USP44: variants seen among roughly 807,000 people sequenced by gnomAD.
USP44 encodes ubiquitin specific peptidase 44, also known as ubiquitin carboxyl-terminal hydrolase 44.
USP44 carries 61 observed loss-of-function variants against 69.0 expected under a neutral mutation model. That is an observed-to-expected ratio of 0.88 (90% CI 0.72 to 1.09). The LOEUF is 1.09. Ranked by LOEUF, USP44 falls within the 50% of genes least tolerant of loss-of-function variation. USP44 has a pLI of 0.00. For missense variants in USP44, 753 were observed against 849.9 expected (o/e 0.89, Z 1.42); for synonymous variants, 297 against 295.4 (o/e 1.01, Z -0.06).
Position 95,524,869 on chromosome 12 carries a change from A to C in USP44, c.1625-81T>G, listed in dbSNP as rs2076786623. On this transcript the variant is annotated intron_variant, in intron 3 of 5. Coordinates refer to ENST00000258499, the MANE Select transcript of USP44 (RefSeq NM_032147.5). ...GCTGAGTGAACCTTCTTTTTAATTA[A>C]GTCAGAAATGAAAAGTATGTACTGT... is the stretch of plus-strand genomic sequence containing the variant. 5 of 1,265,870 alleles carry C rather than the reference A, an allele frequency of 3.9e-6. No individual in the cohort carries two copies. In the Admixed American group the frequency reaches 1.1e-4, roughly 28 times the overall value. 78.4% of individuals were successfully genotyped at this position (1,265,870 alleles called of 1,614,324 possible). A position where few individuals can be genotyped will look rare whatever the true frequency, so the allele number is the denominator to read the frequency against.
In USP44 at chr12:95,524,879, G is replaced by T. The variant is rs1195357004; in HGVS notation, c.1625-91C>A. ...CCTTCTTTTTAATTAAGTCAGAAAT[G>T]AAAAGTATGTACTGTGTTCCAGGCA... On this transcript the variant is annotated intron_variant, in intron 3 of 5. Coordinates refer to ENST00000258499, the MANE Select transcript of USP44 (RefSeq NM_032147.5). The T allele has an allele frequency of 7.7e-6, 9 of 1,164,592 alleles. No individual in the cohort carries two copies. The Admixed American group carries it at 1.4e-4, about 18-fold the overall frequency. The allele number at this position is 1,164,592 out of a possible 1,614,324, so 72.1% of individuals were successfully genotyped here. A position where few individuals can be genotyped will look rare whatever the true frequency, so the allele number is the denominator to read the frequency against.
chr12:95,547,341 T>C (rs538319755), intron 1 of USP44, among the ~76,000 whole-genome samples: 1 of 152,264 alleles, frequency 6.6e-6, no homozygotes, highest in African/African-American at 2.4e-5. Flanking sequence ...GCAAAACTAA[T>C]GGCTACTATG....
chr12:95,533,897 TA>T lies in USP44; in HGVS notation c.359del (p.Leu120TyrfsTer38). 1.9e-6 allele frequency: 3 copies of T among 1,614,192 alleles called. No homozygotes were observed. The highest frequency in any genetic ancestry group is 2.5e-6 in the Non-Finnish European group (3 of 1,180,024). On this transcript the variant is annotated frameshift_variant, in exon 2 of 6. Coordinates refer to ENST00000258499, the MANE Select transcript of USP44 (RefSeq NM_032147.5). LOFTEE classifies it high-confidence loss of function. ...YHCTTRSGRF[L>X]RSMGTGDDSY... The stretch of plus-strand genomic sequence containing the variant: ...AATCATCACCTGTACCCATGGACCG[TA>T]AAAACCTCCCACTACGAGTTGTGCA...
At chr12:95,528,676 GTC>G (rs767987014) in intron 3 of USP44, 129 bp downstream of exon 3, 11 of 878,744 alleles carry the variant, frequency 1.3e-5, no homozygotes, top group Non-Finnish European at 1.8e-5. Flanking sequence ...AAGTGAAAAC[GTC>G]TGTTTCTTTT....
chr12:95,536,287 C>T (rs1047107657), intron 1 of USP44, among the ~76,000 whole-genome samples: 5 of 152,076 alleles, frequency 3.3e-5, no homozygotes, highest in Admixed American at 3.3e-4. Context: ...AAGTGATCTA[C>T]CCGCCTAACC....
chr12:95,539,345 C>T (rs1360372079), intron 1 of USP44, among the ~76,000 whole-genome samples: 3 of 152,070 alleles, frequency 2.0e-5, no homozygotes, highest in South Asian at 4.2e-4. Flanking sequence ...CCTGCCTCAG[C>T]CTCCTGAGTA....
At chr12:95,550,138 A>G (rs765268814) in intron 1 of USP44, among the ~76,000 whole-genome samples, 3 of 149,890 alleles carry the variant, frequency 2.0e-5, no homozygotes, top group Non-Finnish European at 4.4e-5. Flanking sequence ...TAGATCCACA[A>G]TTGCACTCAA....
intron 1 of USP44, among the ~76,000 whole-genome samples, chr12:95,534,819 G>A (rs1053265345): frequency 3.9e-5 from 6 of 151,998 alleles, no homozygotes; most frequent in Non-Finnish European, 8.8e-5. Context: ...GGGATTATAG[G>A]AGTGCACCAC....
At chr12:95,520,404 A>G (rs1318319689) in intron 5 of USP44, among the ~76,000 whole-genome samples, 1 of 152,046 alleles carries the variant, frequency 6.6e-6, no homozygotes, top group African/African-American at 2.4e-5. Flanking sequence ...AGGCAGGAGA[A>G]TTGCTTGAAC....
chr12:95,531,841 AT>A (rs1434159345), intron 2 of USP44, among the ~76,000 whole-genome samples: 1 of 152,184 alleles, frequency 6.6e-6, no homozygotes, highest in Non-Finnish European at 1.5e-5. Context: ...TTTTGTTTAA[AT>A]TTGTGTGTTA....
rs2076934585 is a variant in USP44 at position 95,528,902 on chromosome 12, AT to A, written c.1528del (p.Ile510LeufsTer21). ...PERYQCSGKD[I>X]ASQPCLVTEM... is the part of the protein sequence containing the mutation. ...AGTAACCAGACATGGCTGGGAAGCA[AT>A]ATCTTTTCCACTGCATTGATACCTT... is the stretch of plus-strand genomic sequence containing the variant. On this transcript the variant is annotated frameshift_variant, in exon 3 of 6. Coordinates refer to ENST00000258499, the MANE Select transcript of USP44 (RefSeq NM_032147.5). LOFTEE classifies it high-confidence loss of function. The A allele has an allele frequency of 1.9e-6, 3 of 1,613,982 alleles. No homozygotes were observed. Among genetic ancestry groups the A allele is most frequent in the Non-Finnish European group, 2.5e-6 (3 of 1,180,008 alleles).
chr12:95,547,790 G>T lies in USP44; in HGVS notation c.-71+3482C>A, dbSNP rs2077620138. ...CAGATACAACAATTAAAGCTTAAAA[G>T]GTGGCGGGAGTGGGGGACTTGAGGA... On this transcript the variant is annotated intron_variant, in intron 1 of 5. Transcript: ENST00000258499. Among the ~76,000 whole-genome samples the T allele has an allele frequency of 3.3e-5, 5 of 152,098 alleles. No homozygotes were observed. The South Asian group carries it at 1.0e-3, about 31-fold the overall frequency.
intron 1 of USP44, among the ~76,000 whole-genome samples, chr12:95,544,904 G>C (rs1364177717): frequency 1.3e-5 from 2 of 151,836 alleles, no homozygotes; most frequent in Non-Finnish European, 2.9e-5. Flanking sequence ...TCAATATTAA[G>C]GTATTTCTAA....
rs538785625 is a variant in USP44, at chr12:95,551,356, A to G, written c.-155T>C. 2.6e-5 allele frequency: 4 copies of G among 152,670 alleles called. No homozygotes were observed. The highest frequency in any genetic ancestry group is 5.9e-5 in the Non-Finnish European group (4 of 68,052). The allele number at this position is 152,670 out of a possible 1,614,324, so 9.5% of individuals were successfully genotyped here. On this transcript the variant is annotated 5_prime_UTR_variant, in exon 1 of 6. The change abolishes an upstream ATG in the 5' untranslated region. Coordinates refer to ENST00000258499, the MANE Select transcript of USP44 (RefSeq NM_032147.5). The stretch of plus-strand genomic sequence containing the variant: ...GTCCCTGCAGGATCGCCCAGTTTCC[A>G]TCAGGGCAAATGCTGATCTCCTAAG...
intron 3 of USP44, among the ~76,000 whole-genome samples, chr12:95,526,495 C>T (rs1423550884): frequency 6.6e-6 from 1 of 152,112 alleles, no homozygotes; most frequent in East Asian, 1.9e-4. Flanking sequence ...TGGCCTGAAC[C>T]CAGGAGGCGG....
intron 3 of USP44, 143 bp downstream of exon 3, chr12:95,528,664 T>G: frequency 2.5e-6 from 2 of 798,206 alleles, no homozygotes; most frequent in Non-Finnish European, 3.8e-6. Flanking sequence ...ATGCCAATTA[T>G]AAAGTGAAAA....
chr12:95,522,842 A>AC lies in USP44; in HGVS notation c.1734-1641dup, dbSNP rs201508931. On this transcript the variant is annotated intron_variant, in intron 4 of 5. Coordinates refer to ENST00000258499, the MANE Select transcript of USP44 (RefSeq NM_032147.5). The stretch of plus-strand genomic sequence containing the variant: ...CTAATGAGACAACTAGTGGCTGGCA[A>AC]CCCCTAGATAGCTTCAGGATGTGGG... Among the ~76,000 whole-genome samples, 812 of 151,096 alleles carry AC rather than the reference A, an allele frequency of 5.4e-3. 7 individuals carry two copies. The highest frequency in any genetic ancestry group is 0.019 in the African/African-American group (776 of 41,042).
chr12:95,538,138 G>A (rs960848414), intron 1 of USP44, among the ~76,000 whole-genome samples: 3 of 152,116 alleles, frequency 2.0e-5, no homozygotes, highest in African/African-American at 7.3e-5. Context: ...AGAAGAGAGG[G>A]ATTACAGTAA....
Position 95,533,810 on chromosome 12 carries a change from A to C in USP44, c.447T>G (p.Ala149=), listed in dbSNP as rs781694395. 6.2e-7 allele frequency: 1 copy of C among 1,614,226 alleles called. No individual in the cohort carries two copies. The highest frequency in any genetic ancestry group is 1.7e-5 in the Admixed American group (1 of 60,024). The change falls in exon 2 of 6, where the codon GCT becomes GCG. Residue 149 remains alanine (A), a synonymous_variant. Transcript: ENST00000258499. The part of the protein sequence containing the change: ...LLQSEDQLYT[A]LWHRRRILMG... Reference sequence around the variant, plus strand: ...TTAGTATCCTTCTCCTGTGCCAAAGAGCAGTATACAGTTGATCTTCACTTT... The same window carrying C: ...TTAGTATCCTTCTCCTGTGCCAAAGCGCAGTATACAGTTGATCTTCACTTT...
Sources: allele counts gnomAD v4.1 joint callset (sites outside exome capture counted in the v4.1 genomes callset), GRCh38; gene constraint gnomAD v4.1.1; transcripts MANE v1.5; gene names NCBI Gene and HGNC (gene_info 2026-07-23, HGNC 2026-07-21).